Variants in POLK observed in about 807,000 individuals in gnomAD.
The protein encoded by POLK is DNA polymerase kappa, also known as polymerase (DNA directed) kappa.
In POLK, 76 loss-of-function variants were observed where a neutral mutation model predicts 94.0. That is an observed-to-expected ratio of 0.81 (90% confidence interval 0.67 to 0.98). POLK has a LOEUF of 0.98. POLK is among the 50% of genes least tolerant of loss of function. POLK has a pLI of 0.00. For missense variants in POLK, 954 were observed against 1,010.1 expected (o/e 0.94, Z 0.75); for synonymous variants, 349 against 325.4 (o/e 1.07, Z -0.78).
chr5:75,565,775 T>TCGC (rs1771234050), intron 3 of POLK, among the ~76,000 whole-genome samples: 4 of 152,176 alleles, frequency 2.6e-5, no homozygotes, highest in Admixed American at 1.3e-4. Flanking sequence ...AGGGGCACCA[T>TCGC]CAGATGCCAG....
At chr5:75,605,391 T>TGA (rs770375404), downstream of POLK, among the ~76,000 whole-genome samples, 9 of 151,348 alleles carry the variant, frequency 5.9e-5, no homozygotes, top group Non-Finnish European at 1.2e-4. Context: ...ATGGAGAGAG[T>TGA]GAGAGAGAGA....
intron 1 of POLK, among the ~76,000 whole-genome samples, chr5:75,525,523 G>A (rs74726702): frequency 6.6e-6 from 1 of 152,124 alleles, no homozygotes; most frequent in Non-Finnish European, 1.5e-5. Context: ...GAAAAGGAAA[G>A]TCAGGTACCT....
chr5:75,511,971 G>A (rs1347416405), intron 1 of POLK, 57 bp downstream of exon 1: 1 of 679,302 alleles, frequency 1.5e-6, no homozygotes, highest in African/African-American at 1.9e-5. Context: ...GTCGGTGGGT[G>A]GGCTTCGTTT....
At chr5:75,547,520 T>G (rs187385554) in intron 2 of POLK, among the ~76,000 whole-genome samples, 194 of 152,274 alleles carry the variant, frequency 1.3e-3, no homozygotes, top group African/African-American at 4.5e-3. Context: ...TGTATGCCTG[T>G]GTGTGTGGAT....
At chr5:75,607,591 G>A in the POLK span, among the ~76,000 whole-genome samples, 1 of 152,098 alleles carries the variant, frequency 6.6e-6, no homozygotes, top group Non-Finnish European at 1.5e-5. Flanking sequence ...CTGCCTGGAA[G>A]CAGATGCTGC....
At chr5:75,589,394 CA>C (rs1473339467) in intron 10 of POLK, among the ~76,000 whole-genome samples, 3 of 95,332 alleles carry the variant, frequency 3.1e-5, no homozygotes, top group African/African-American at 1.1e-4. Flanking sequence ...CACATACACA[CA>C]CACACACACA....
chr5:75,570,363 T>C (rs1771526953), intron 4 of POLK, among the ~76,000 whole-genome samples: 1 of 152,066 alleles, frequency 6.6e-6, no homozygotes. Flanking sequence ...TTAATAGAGA[T>C]TTTCAAACTG....
intron 1 of POLK, among the ~76,000 whole-genome samples, chr5:75,528,954 G>A (rs533526986): frequency 3.0e-4 from 46 of 152,236 alleles, no homozygotes; most frequent in Admixed American, 7.8e-4. Flanking sequence ...CAAAATCCAC[G>A]ATTGCTCAAG....
chr5:75,571,427 A>T (rs1388576990), intron 4 of POLK, among the ~76,000 whole-genome samples: 1 of 152,200 alleles, frequency 6.6e-6, no homozygotes, highest in Non-Finnish European at 1.5e-5. Context: ...TATTTAGTGG[A>T]CAGCCAAAAT....
At chr5:75,549,351 C>T (rs1770218297) in intron 2 of POLK, among the ~76,000 whole-genome samples, 1 of 151,908 alleles carries the variant, frequency 6.6e-6, no homozygotes, top group African/African-American at 2.4e-5. Flanking sequence ...TCTTCTGTTC[C>T]ACTGGATCAT....
chr5:75,592,972 C>A (rs927196536), intron 11 of POLK, among the ~76,000 whole-genome samples: 1 of 151,926 alleles, frequency 6.6e-6, no homozygotes, highest in Non-Finnish European at 1.5e-5. Flanking sequence ...AGGAGGATAG[C>A]ATGAGCCTGG....
At chr5:75,533,860 G>A (rs1226286793) in intron 1 of POLK, among the ~76,000 whole-genome samples, 1 of 152,192 alleles carries the variant, frequency 6.6e-6, no homozygotes, top group African/African-American at 2.4e-5. Context: ...TTGGGAATGG[G>A]ATTGCATTCC....
At chr5:75,582,431 C>T (rs1201381946) in intron 7 of POLK, 1 of 152,010 alleles carries the variant, frequency 6.6e-6, no homozygotes, top group Non-Finnish European at 1.5e-5. Context: ...AATTAGGACT[C>T]CTAGAAATTG....
intron 6 of POLK, among the ~76,000 whole-genome samples, chr5:75,577,949 T>C (rs963029754): frequency 1.1e-4 from 17 of 152,204 alleles, no homozygotes; most frequent in Admixed American, 1.1e-3. Flanking sequence ...GGTGTAACTT[T>C]ATTGTTTGAG....
intron 14 of POLK, 45 bp from the exon 15 acceptor site, chr5:75,597,888 TA>T: frequency 8.4e-7 from 1 of 1,189,838 alleles, no homozygotes; most frequent in Non-Finnish European, 1.2e-6. Flanking sequence ...AATTATTTTC[TA>T]GAATCTCTTC....
chr5:75,530,931 G>A (rs1769148077), intron 1 of POLK, among the ~76,000 whole-genome samples: 1 of 151,072 alleles, frequency 6.6e-6, no homozygotes, highest in Non-Finnish European at 1.5e-5. Flanking sequence ...TTAGCCTTGC[G>A]AGTAGCTGGG....
intron 2 of POLK, among the ~76,000 whole-genome samples, chr5:75,547,840 C>G (rs1424857633): frequency 6.6e-6 from 1 of 152,218 alleles, no homozygotes; most frequent in South Asian, 2.1e-4. Flanking sequence ...TGTGCCAACA[C>G]AGTGTATTAC....
chr5:75,511,731 C>A (rs897130986), upstream of POLK: 2 of 1,548,606 alleles, frequency 1.3e-6, no homozygotes, highest in Admixed American at 2.0e-5. Context: ...ACACGCCGAG[C>A]CTTCGGGATC....
chr5:75,558,697 T>G (rs922065673), intron 3 of POLK, among the ~76,000 whole-genome samples: 9 of 152,180 alleles, frequency 5.9e-5, no homozygotes, highest in Non-Finnish European at 1.3e-4. Flanking sequence ...TCAAATAAAC[T>G]TAGGCATCAT....
Sources: allele counts gnomAD v4.1 joint callset (sites outside exome capture counted in the v4.1 genomes callset), GRCh38; gene constraint gnomAD v4.1.1; transcripts MANE v1.5; gene names NCBI Gene and HGNC (gene_info 2026-07-23, HGNC 2026-07-21).